MGAM: variants seen among roughly 807,000 people sequenced by gnomAD.
MGAM encodes alpha-1,4-glucosidase.
A neutral mutation model predicts 358.8 loss-of-function variants in MGAM; 253 were observed. The ratio of observed to expected loss-of-function variants is 0.71; its 90% CI spans 0.64 to 0.78. The LOEUF (loss-of-function observed/expected upper bound fraction) is 0.78, where lower values mean the gene tolerates loss of function less well. MGAM is among the 30% of genes least tolerant of loss of function. The pLI, the probability that MGAM is intolerant of heterozygous loss-of-function variation, is 0.00. For missense variants in MGAM, 3,080 were observed against 3,432.6 expected (o/e 0.90, Z 2.57); for synonymous variants, 1,105 against 1,227.1 (o/e 0.90, Z 2.08).
chr7:142,051,858 G>A lies in MGAM; in HGVS notation c.2806-436G>A, dbSNP rs539271139. 3.3e-5 allele frequency among the ~76,000 whole-genome samples: 5 copies of A among 152,026 alleles called. No individual in the cohort carries two copies. The South Asian group carries it at 6.2e-4, about 19-fold the overall frequency. ...TTGTCCAACATTCTACAGAAATGTGGGCATGATAACCAGGTCATATGATTC... is the reference window on the plus strand; with the variant it reads ...TTGTCCAACATTCTACAGAAATGTGAGCATGATAACCAGGTCATATGATTC... On this transcript the variant is annotated intron_variant, in intron 24 of 70. Coordinates refer to ENST00000475668, the MANE Select transcript of MGAM (RefSeq NM_001365693.1).
Position 142,029,121 on chromosome 7 carries a change from C to T in MGAM, c.1222-1241C>T, listed in dbSNP as rs10250427. Among the ~76,000 whole-genome samples the T allele has an allele frequency of 7.2e-3, 1,103 of 152,196 alleles. 13 individuals are homozygous for T. Among genetic ancestry groups the T allele is most frequent in the African/African-American group, 0.026 (1,065 of 41,536 alleles). On this transcript the variant is annotated intron_variant, in intron 10 of 70. Coordinates refer to ENST00000475668, the MANE Select transcript of MGAM (RefSeq NM_001365693.1). The stretch of plus-strand genomic sequence containing the variant: ...AATCCCAGCACTTGGGAAGCCAAGG[C>T]AGGCAGATCACGAGGTCAGGAGTTC...
intron 5 of MGAM, 63 bp downstream of exon 5, chr7:142,021,146 T>A: frequency 8.4e-7 from 1 of 1,192,632 alleles, no homozygotes; most frequent in South Asian, 1.4e-5. Flanking sequence ...ATCGGATGAG[T>A]GCAGTTACTA....
In MGAM at chr7:142,052,511, A is replaced by G. The variant is rs538478050; in HGVS notation, c.2958+65A>G. 1.1e-4 allele frequency: 179 copies of G among 1,584,258 alleles called. 4 individuals are homozygous for G. The South Asian group carries it at 2.0e-3, about 18-fold the overall frequency. ...ACACCTAATCTGTAGTTTCTTAAGC[A>G]TAGCAGTGGTACTTACATAACTACT... On this transcript the variant is annotated intron_variant, in intron 25 of 70. Transcript: ENST00000475668.
chr7:142,006,366 C>T (rs1485148201), intron 2 of MGAM, among the ~76,000 whole-genome samples: 5 of 152,038 alleles, frequency 3.3e-5, no homozygotes, highest in East Asian at 1.9e-4. Context: ...AAGGACTCTC[C>T]GTGAAGCTTT....
At position 142,045,195 on chromosome 7, in the gene MGAM, A is replaced by G. The variant is rs1171043897; in HGVS notation, c.2499-2590A>G. On this transcript the variant is annotated intron_variant, in intron 21 of 70. Transcript: ENST00000475668. ...TATTATATAACATATATGATATATA[A>G]TATATATTATATAACATATATGTAT... is the stretch of plus-strand genomic sequence containing the variant. Among the ~76,000 whole-genome samples, 2 of 62,962 alleles carry G rather than the reference A, an allele frequency of 3.2e-5. 1 individual carries two copies. Among genetic ancestry groups the G allele is most frequent in the Non-Finnish European group, 6.1e-5 (2 of 32,896 alleles). 41.3% of individuals were successfully genotyped at this position (62,962 alleles called of 152,430 possible). A position where few individuals can be genotyped will look rare whatever the true frequency, so the allele number is the denominator to read the frequency against.
rs782795025 is a variant in MGAM, at chr7:142,020,968, T to C, written c.449-6T>C. Reference sequence around the variant, plus strand: ...CTATGAAAACCTTTTTTTTCTCCTATGTTAGGATTCACAGCCCGGTTGAAA... The same window carrying C: ...CTATGAAAACCTTTTTTTTCTCCTACGTTAGGATTCACAGCCCGGTTGAAA... On this transcript the variant is annotated splice_region_variant and splice_polypyrimidine_tract_variant and intron_variant, in intron 4 of 70. Transcript: ENST00000475668. 6.3e-7 allele frequency: 1 copy of C among 1,596,756 alleles called. No homozygotes were observed. Among genetic ancestry groups the C allele is most frequent in the East Asian group, 2.2e-5 (1 of 44,730 alleles).
chr7:142,009,538 G>A (rs1245568210), intron 3 of MGAM, among the ~76,000 whole-genome samples: 3 of 152,142 alleles, frequency 2.0e-5, no homozygotes, highest in Admixed American at 2.0e-4. Context: ...ACTCCATCTT[G>A]TCACTGGGTA....
At chr7:142,096,546 C>T (rs1233323587) in intron 65 of MGAM, 131 bp downstream of exon 65, 1 of 1,073,302 alleles carries the variant, frequency 9.3e-7, no homozygotes, top group Non-Finnish European at 1.4e-6. Flanking sequence ...CTCTTCCTCT[C>T]TTTCTGAGCT....
intron 6 of MGAM, 140 bp downstream of exon 6, chr7:142,021,877 T>C: frequency 1.2e-6 from 1 of 850,576 alleles, no homozygotes; most frequent in Non-Finnish European, 1.8e-6. Context: ...CCTTCTAAAG[T>C]ATACATTTTT....
In MGAM at chr7:142,021,710, T is replaced by C. The variant is rs1554458912; in HGVS notation, c.683T>C (p.Val228Ala). The change falls in exon 6 of 71, where the codon GTG (valine) becomes GCG (alanine). Residue 228 changes from valine (V) to alanine (A), a missense_variant. Val to Ala is a moderately conservative substitution (Grantham distance 64, BLOSUM62 0). Transcript: ENST00000475668. Reference sequence around the variant, plus strand: ...TCCAGACAGCCATTTAGCATCAAAGTGACCAGAAGAAGCAACAATCGTGTT... The same window carrying C: ...TCCAGACAGCCATTTAGCATCAAAGCGACCAGAAGAAGCAACAATCGTGTT... The part of the protein sequence containing the change: ...EISRQPFSIK[V>A]TRRSNNRVLF... 6.2e-7 allele frequency: 1 copy of C among 1,613,920 alleles called. No homozygotes were observed.
chr7:142,040,843 C>T lies in MGAM; in HGVS notation c.2495C>T (p.Ala832Val), dbSNP rs768055689. 1.2e-6 allele frequency: 2 copies of T among 1,609,870 alleles called. No individual in the cohort carries two copies. The highest frequency in any genetic ancestry group is 1.7e-6 in the Non-Finnish European group (2 of 1,178,158). Residue 832 changes from alanine (A) to valine (V), a missense_variant, in exon 21 of 71, where the codon GCC becomes GTC. By Grantham distance (64) the Ala-to-Val change is moderately conservative. Around this residue, in one of 5 missense-constraint regions of MGAM, gnomAD observed 1,816 missense variants for 1,840.5 expected, o/e 0.99. Coordinates refer to ENST00000475668, the MANE Select transcript of MGAM (RefSeq NM_001365693.1). ...CAGCAGCCAAATACAACCACTCTGGCCAGGTATAGCATGGCTGGAGTGTCC... is the reference window on the plus strand; with the variant it reads ...CAGCAGCCAAATACAACCACTCTGGTCAGGTATAGCATGGCTGGAGTGTCC... ...PTQQPNTTTL[A>V]SRKNPLGLII...
At chr7:142,076,927 C>A in intron 47 of MGAM, 101 bp downstream of exon 47, 1 of 1,284,180 alleles carries the variant, frequency 7.8e-7, no homozygotes, top group Non-Finnish European at 1.1e-6. Flanking sequence ...TACCAGGGCA[C>A]CTTTGATGCA....
At chr7:141,993,773 C>G (rs1476360775), upstream of MGAM, among the ~76,000 whole-genome samples, 1 of 152,160 alleles carries the variant, frequency 6.6e-6, no homozygotes, top group Non-Finnish European at 1.5e-5. Context: ...ACTTTCACAT[C>G]ATATATTTAA....
chr7:142,008,740 T>A, intron 3 of MGAM, 35 bp downstream of exon 3: 2 of 1,595,694 alleles, frequency 1.3e-6, no homozygotes, highest in Non-Finnish European at 1.7e-6. Context: ...ATTTTAGAAT[T>A]TATGCAACTT....
intron 1 of MGAM, among the ~76,000 whole-genome samples, chr7:142,003,860 C>A (rs1226800079): frequency 1.3e-5 from 2 of 151,584 alleles, no homozygotes; most frequent in Non-Finnish European, 2.9e-5. Context: ...ACACATAACC[C>A]CATTAAAAAG....
In MGAM at chr7:142,069,823, C is replaced by G. The variant is rs1813181175; in HGVS notation, c.5061+1120C>G. Among the ~76,000 whole-genome samples the G allele has an allele frequency of 2.1e-5, 3 of 145,286 alleles. No individual in the cohort carries two copies. The Admixed American group carries it at 2.1e-4, about 10-fold the overall frequency. ...TTTGTCCTGAGTGTGCATGTTGAGT[C>G]TCCCATTCACTACCAGAAGATATCT... On this transcript the variant is annotated intron_variant, in intron 43 of 70. Transcript: ENST00000475668.
At chr7:141,992,748 A>AT (rs1429236473), upstream of MGAM, among the ~76,000 whole-genome samples, 12 of 151,760 alleles carry the variant, frequency 7.9e-5, no homozygotes, top group East Asian at 3.9e-4. Context: ...CACTCAGCTG[A>AT]TTTTTTTTAT....
intron 65 of MGAM, among the ~76,000 whole-genome samples, chr7:142,096,935 T>C (rs1815968676): frequency 6.7e-6 from 1 of 149,972 alleles, no homozygotes; most frequent in Admixed American, 6.6e-5. Context: ...AAATCTTTTT[T>C]TTTTTTTTTT....
At chr7:142,081,038 C>T (rs1368155663) in intron 50 of MGAM, 93 bp downstream of exon 50, 1 of 1,071,426 alleles carries the variant, frequency 9.3e-7, no homozygotes, top group Non-Finnish European at 1.3e-6. Flanking sequence ...TTCAAAACAT[C>T]ACATTGTCCA....
Sources: gnomAD v4.1 joint callset for allele counts (sites outside exome capture counted in the v4.1 genomes callset) on GRCh38, gnomAD v4.1.1 for gene constraint, gnomAD v4.1.1 regional missense constraint, MANE v1.5 for transcripts, NCBI Gene and HGNC (gene_info 2026-07-23, HGNC 2026-07-21) for gene names.